ASXL3: variants seen among roughly 807,000 people sequenced by gnomAD.
ASXL3 encodes the protein ASXL transcriptional regulator 3.
Under a neutral mutation model 170.6 loss-of-function variants are expected in ASXL3, and 34 were observed. The ratio of observed to expected loss-of-function variants is 0.20; its 90% CI spans 0.15 to 0.27. The LOEUF (loss-of-function observed/expected upper bound fraction) is 0.27, where lower values mean the gene tolerates loss of function less well. Ranked by LOEUF, ASXL3 falls within the 10% of genes least tolerant of loss-of-function variation. The probability of loss-of-function intolerance (pLI) is 1.00; values close to 1 mark genes in which losing one functional copy is unlikely to be tolerated. For synonymous variants in ASXL3, 1,002 were observed against 989.1 expected, an observed-to-expected ratio of 1.01 and a Z score of -0.24; for missense variants, 2,592 against 2,695.3, an observed-to-expected ratio of 0.96 and a Z score of 0.85.
At chr18:33,738,429 C>T (rs2067585428) in intron 10 of ASXL3, 58 bp from the exon 11 acceptor site, 2 of 1,470,592 alleles carry the variant, frequency 1.4e-6, no homozygotes, top group Non-Finnish European at 1.8e-6. Flanking sequence ...TGAGAGATCC[C>T]AGTTGTACCT....
chr18:33,703,239 T>G (rs72947442), intron 8 of ASXL3, among the ~76,000 whole-genome samples: 11,159 of 152,202 alleles, frequency 0.073, 410 homozygotes, highest in South Asian at 0.11. Context: ...GTACTCTATA[T>G]TAAATAGTTG....
chr18:33,688,193 ACGCCTGT>A (rs1489340394), intron 8 of ASXL3, among the ~76,000 whole-genome samples: 16 of 152,322 alleles, frequency 1.1e-4, no homozygotes, highest in African/African-American at 2.9e-4. Flanking sequence ...TAAACCCAGT[ACGCCTGT>A]CCTTGGAGCT....
intron 7 of ASXL3, among the ~76,000 whole-genome samples, chr18:33,679,746 G>A (rs2066484754): frequency 6.6e-6 from 1 of 152,058 alleles, no homozygotes. Flanking sequence ...ATTTGGAAAT[G>A]TATAAAGCTT....
chr18:33,623,991 T>A (rs1294850565), intron 2 of ASXL3, among the ~76,000 whole-genome samples: 1 of 151,998 alleles, frequency 6.6e-6, no homozygotes, highest in Non-Finnish European at 1.5e-5. Context: ...AGACCCCTTA[T>A]GTACAAAATA....
chr18:33,718,514 G>C (rs2067204401), intron 8 of ASXL3, among the ~76,000 whole-genome samples: 1 of 152,066 alleles, frequency 6.6e-6, no homozygotes, highest in Admixed American at 6.6e-5. Flanking sequence ...CAGCTTTGCT[G>C]ATTCTTCTGC....
chr18:33,587,971 T>A (rs2065047583), intron 1 of ASXL3, among the ~76,000 whole-genome samples: 1 of 152,156 alleles, frequency 6.6e-6, no homozygotes, highest in East Asian at 1.9e-4. Context: ...TGATAGTTGC[T>A]ACATGTTCTC....
chr18:33,739,801 C>T lies in ASXL3; in HGVS notation c.2397C>T (p.Ser799=), dbSNP rs867513285. 2 of 1,613,852 alleles carry T rather than the reference C, an allele frequency of 1.2e-6. No homozygotes were observed. The highest frequency in any genetic ancestry group is 8.5e-7 in the Non-Finnish European group (1 of 1,179,838). The change falls in exon 11 of 12, where the codon TCC becomes TCT. Residue 799 remains serine (S), a synonymous_variant. Transcript: ENST00000269197. ...AACCTCTGGGAGAGAACCTTACCTC[C>T]CAGCAGAAGAATCTGTCTAATACTC... ...TAKPLGENLT[S]QQKNLSNTPE...
intron 9 of ASXL3, 63 bp downstream of exon 9, chr18:33,732,127 AC>A: frequency 7.5e-7 from 1 of 1,324,968 alleles, no homozygotes; most frequent in African/African-American, 1.5e-5. Flanking sequence ...CTGAGCTTGT[AC>A]CTTTCTCTGA....
intron 2 of ASXL3, among the ~76,000 whole-genome samples, chr18:33,636,372 C>CTT (rs2145183258): frequency 6.6e-6 from 1 of 150,686 alleles, no homozygotes; most frequent in African/African-American, 2.4e-5. Flanking sequence ...ACAACAACAG[C>CTT]CACAGCCACA....
At chr18:33,712,111 G>T (rs530006997) in intron 8 of ASXL3, among the ~76,000 whole-genome samples, 1 of 152,096 alleles carries the variant, frequency 6.6e-6, no homozygotes, top group African/African-American at 2.4e-5. Context: ...TGTTGTTGAT[G>T]CTCCAGTTGC....
chr18:33,587,749 G>A (rs79466196), intron 1 of ASXL3, among the ~76,000 whole-genome samples: 98 of 151,538 alleles, frequency 6.5e-4, no homozygotes, highest in East Asian at 4.9e-3. Flanking sequence ...AGCAGTATCC[G>A]CTGAATTTGT....
In ASXL3 at chr18:33,671,456, C is replaced by T. The variant is rs115298960; in HGVS notation, c.596-291C>T. Among the ~76,000 whole-genome samples, 639 of 152,220 alleles carry T rather than the reference C, an allele frequency of 4.2e-3. 7 individuals are homozygous for T. The highest frequency in any genetic ancestry group is 0.015 in the African/African-American group (607 of 41,530). ...TCAGAATGGCATAGTATTGTTCAAG[C>T]TTATTCGTGTATTTTACAAAAGACC... On this transcript the variant is annotated intron_variant, in intron 6 of 11. Coordinates refer to ENST00000269197, the MANE Select transcript of ASXL3 (RefSeq NM_030632.3).
intron 10 of ASXL3, among the ~76,000 whole-genome samples, chr18:33,735,256 A>G (rs2067524713): frequency 6.6e-6 from 1 of 152,176 alleles, no homozygotes; most frequent in South Asian, 2.1e-4. Context: ...GTAAATGGGG[A>G]AAAGAAAGAC....
At chr18:33,633,903 T>C (rs560921186) in intron 2 of ASXL3, among the ~76,000 whole-genome samples, 29 of 151,184 alleles carry the variant, frequency 1.9e-4, no homozygotes, top group Non-Finnish European at 3.7e-4. Flanking sequence ...GTTAAGGCAT[T>C]GAAAGAATTC....
At chr18:33,654,431 G>A (rs1371012429) in intron 4 of ASXL3, among the ~76,000 whole-genome samples, 2 of 151,942 alleles carry the variant, frequency 1.3e-5, no homozygotes, top group Non-Finnish European at 1.5e-5. Flanking sequence ...TAGTTATATT[G>A]TATAAGCATT....
chr18:33,746,213 TC>T lies in ASXL3; in HGVS notation c.6366del (p.Ser2123LeufsTer15). 6.2e-7 allele frequency: 1 copy of T among 1,613,898 alleles called. No individual in the cohort carries two copies. The highest frequency in any genetic ancestry group is 8.5e-7 in the Non-Finnish European group (1 of 1,179,886). On this transcript the variant is annotated frameshift_variant, in exon 12 of 12. Transcript: ENST00000269197. LOFTEE classifies it high-confidence loss of function. Reference protein sequence around the residue: ...LKAFALKSADFSSYLLSEPQK... With the variant: ...LKAFALKSADXSSYLLSEPQK... ...GCATTCGCGCTAAAAAGTGCAGATT[TC>T]TCTTCCTATTTGCTTTCTGAGCCAC...
chr18:33,617,590 T>C (rs1164240996), intron 2 of ASXL3, among the ~76,000 whole-genome samples: 1 of 152,188 alleles, frequency 6.6e-6, no homozygotes, highest in Non-Finnish European at 1.5e-5. Flanking sequence ...TGACTGCATG[T>C]ATATTGATGC....
At position 33,732,069 on chromosome 18, in the gene ASXL3, A is replaced by C. The variant is rs754465235; in HGVS notation, c.976+5A>C. 1 of 1,608,614 alleles carries C rather than the reference A, an allele frequency of 6.2e-7. No individual in the cohort carries two copies. On this transcript the variant is annotated splice_donor_5th_base_variant and intron_variant, in intron 9 of 11. Transcript: ENST00000269197. ...GGAAACAGCGACTGGCAGAAGGTAAATTTGTATTTTCTATTATTATGTGAC... is the reference window on the plus strand; with the variant it reads ...GGAAACAGCGACTGGCAGAAGGTAACTTTGTATTTTCTATTATTATGTGAC...
At chr18:33,713,773 A>T (rs1205901603) in intron 8 of ASXL3, among the ~76,000 whole-genome samples, 1 of 152,202 alleles carries the variant, frequency 6.6e-6, no homozygotes, top group Non-Finnish European at 1.5e-5. Flanking sequence ...ATGGTAGAAT[A>T]TTGATGGAAA....
Sources: gnomAD v4.1 joint callset for allele counts (sites outside exome capture counted in the v4.1 genomes callset) on GRCh38, gnomAD v4.1.1 for gene constraint, MANE v1.5 for transcripts, NCBI Gene and HGNC (gene_info 2026-07-23, HGNC 2026-07-21) for gene names.